The following KANSL2 variants were observed in gnomAD, a reference collection of about 807,000 sequenced individuals.
The protein encoded by KANSL2 is KAT8 regulatory NSL complex subunit 2.
KANSL2 carries 34 observed loss-of-function variants against 55.6 expected under a neutral mutation model. The ratio of observed to expected loss-of-function variants is 0.61; its 90% CI spans 0.46 to 0.81. The LOEUF is 0.81. KANSL2 is among the 40% of genes least tolerant of loss of function. KANSL2 has a pLI of 0.00. For missense variants in KANSL2, 502 were observed against 609.9 expected, an observed-to-expected ratio of 0.82 and a Z score of 1.86; for synonymous variants, 209 against 214.3, an observed-to-expected ratio of 0.98 and a Z score of 0.22.
intron 4 of KANSL2, among the ~76,000 whole-genome samples, chr12:48,672,888 A>G (rs1232430162): frequency 6.6e-6 from 1 of 151,868 alleles, no homozygotes; most frequent in Non-Finnish European, 1.5e-5. Context: ...CCTCCCAAGT[A>G]GCTGGCATTA....
intron 3 of KANSL2, 27 bp downstream of exon 3, chr12:48,679,628 T>C (rs1473752235): frequency 1.9e-6 from 3 of 1,600,780 alleles, no homozygotes; most frequent in Non-Finnish European, 2.6e-6. Context: ...CTTCCTCCTT[T>C]TTCATTCCAG....
At chr12:48,678,564 C>T (rs934260203) in intron 4 of KANSL2, among the ~76,000 whole-genome samples, 2 of 152,178 alleles carry the variant, frequency 1.3e-5, no homozygotes, top group African/African-American at 2.4e-5. Flanking sequence ...AAACATCACA[C>T]TGTACCCCAT....
At chr12:48,668,749 A>G (rs1048256511) in intron 6 of KANSL2, among the ~76,000 whole-genome samples, 4 of 152,202 alleles carry the variant, frequency 2.6e-5, no homozygotes, top group Non-Finnish European at 5.9e-5. Context: ...CTTTGTAAAT[A>G]AAGTGAACAT....
rs1939887506 is a variant in KANSL2 at position 48,679,836 on chromosome 12, G to A, written c.252-3C>T. The A allele has an allele frequency of 6.3e-7, 1 of 1,589,202 alleles. No homozygotes were observed. Among genetic ancestry groups the A allele is most frequent in the East Asian group, 2.3e-5 (1 of 44,052 alleles). ...CATGTTCAGCACAGAAGGACACCCT[G>A]AAGAGACAAAACATTAATATTTTAT... On this transcript the variant is annotated splice_region_variant and splice_polypyrimidine_tract_variant and intron_variant, in intron 2 of 9. Transcript: ENST00000420613.
rs550291372 is a variant in KANSL2 at position 48,663,158 on chromosome 12, G to A, written c.974-2539C>T. ...TCTAAAAATGTTAAGGCTGTCTCAA[G>A]TTGGAAGAATATTTCATGTAAAAAT... On this transcript the variant is annotated intron_variant, in intron 7 of 9. Transcript: ENST00000420613. Among the ~76,000 whole-genome samples, 204 of 152,286 alleles carry A rather than the reference G, an allele frequency of 1.3e-3. 6 individuals carry two copies. Among genetic ancestry groups the A allele is most frequent in the Non-Finnish European group, 2.8e-4 (19 of 68,016 alleles).
At chr12:48,655,125 T>G in intron 8 of KANSL2, 65 bp from the exon 9 acceptor site, 1 of 1,502,538 alleles carries the variant, frequency 6.7e-7, no homozygotes, top group Non-Finnish European at 9.0e-7. Flanking sequence ...GGCATGTTTT[T>G]CAGCAAACTT....
At chr12:48,655,966 A>C (rs1939372071) in intron 8 of KANSL2, among the ~76,000 whole-genome samples, 1 of 152,200 alleles carries the variant, frequency 6.6e-6, no homozygotes, top group Non-Finnish European at 1.5e-5. Context: ...ATGTTTTACT[A>C]CAATTAAAAA....
chr12:48,671,158 G>T (rs768711776), intron 5 of KANSL2, among the ~76,000 whole-genome samples: 18 of 151,812 alleles, frequency 1.2e-4, no homozygotes, highest in Admixed American at 2.0e-4. Context: ...CCAGCTACTT[G>T]GGAGGCTGAG....
intron 3 of KANSL2, 71 bp downstream of exon 3, chr12:48,679,584 T>C: frequency 1.6e-6 from 2 of 1,260,092 alleles, no homozygotes; most frequent in Middle Eastern, 2.1e-4. Context: ...GATCAAGGCA[T>C]TGTGCTAACC....
intron 4 of KANSL2, among the ~76,000 whole-genome samples, chr12:48,676,177 C>T (rs1939817689): frequency 6.6e-6 from 1 of 152,142 alleles, no homozygotes; most frequent in Non-Finnish European, 1.5e-5. Flanking sequence ...GTGGCACGAT[C>T]ACAGAGCCTC....
intron 8 of KANSL2, chr12:48,656,793 A>G: frequency 2.0e-6 from 1 of 495,596 alleles, no homozygotes; most frequent in Non-Finnish European, 4.0e-6. Context: ...AGGCAATACA[A>G]ACTCAAACAA....
In KANSL2 at chr12:48,675,265, G is replaced by T. The variant is rs1360701062; in HGVS notation, c.546-3303C>A. Among the ~76,000 whole-genome samples, 4 of 152,092 alleles carry T rather than the reference G, an allele frequency of 2.6e-5. No individual in the cohort carries two copies. The East Asian group carries it at 7.7e-4, about 29-fold the overall frequency. On this transcript the variant is annotated intron_variant, in intron 4 of 9. Transcript: ENST00000420613. ...CAAAAAAAAGAAAGAAATTAGCCGG[G>T]CACAGCGGCGTGCGCCTGTAGTCCC...
chr12:48,671,097 T>A (rs1176569536), intron 5 of KANSL2, among the ~76,000 whole-genome samples: 1 of 151,780 alleles, frequency 6.6e-6, no homozygotes, highest in African/African-American at 2.4e-5. Flanking sequence ...AAACCCCCCC[T>A]CTACTAAAAA....
intron 8 of KANSL2, chr12:48,656,836 C>A (rs987444878): frequency 4.3e-6 from 2 of 461,686 alleles, no homozygotes; most frequent in African/African-American, 4.0e-5. Flanking sequence ...CACTGCTTTT[C>A]AAGAGTCTGG....
At chr12:48,676,594 G>A (rs938274360) in intron 4 of KANSL2, among the ~76,000 whole-genome samples, 4 of 152,060 alleles carry the variant, frequency 2.6e-5, no homozygotes, top group African/African-American at 9.7e-5. Context: ...GGAGGCGGAG[G>A]TTGCAGTGAG....
intron 7 of KANSL2, among the ~76,000 whole-genome samples, chr12:48,665,421 G>C (rs1285217362): frequency 6.6e-6 from 1 of 152,010 alleles, no homozygotes; most frequent in Non-Finnish European, 1.5e-5. Context: ...AAATTAGCTG[G>C]GCACGGTGGC....
intron 8 of KANSL2, chr12:48,656,671 G>A: frequency 2.0e-6 from 1 of 510,328 alleles, no homozygotes; most frequent in Admixed American, 2.0e-5. Flanking sequence ...AACTGAATTG[G>A]CAATTCGCAC....
Position 48,681,679 on chromosome 12 carries a change from T to C in KANSL2, c.-9-38A>G, listed in dbSNP as rs1202931364. Reference sequence around the variant, plus strand: ...ACGAAAGACCAAAAAGCCCTTACCCTTCCCGAAAATTCCTGCTCCACACAG... The same window carrying C: ...ACGAAAGACCAAAAAGCCCTTACCCCTCCCGAAAATTCCTGCTCCACACAG... On this transcript the variant is annotated intron_variant, in intron 1 of 9. Coordinates refer to ENST00000420613, the MANE Select transcript of KANSL2 (RefSeq NM_017822.4). 1.1e-5 allele frequency: 18 copies of C among 1,612,894 alleles called. No individual in the cohort carries two copies. In the East Asian group the frequency reaches 3.8e-4, roughly 34 times the overall value.
At position 48,681,510 on chromosome 12, in the gene KANSL2, C is replaced by T. The variant is rs761951308; in HGVS notation, c.123G>A (p.Glu41=). 3.7e-6 allele frequency: 6 copies of T among 1,613,854 alleles called. No individual in the cohort carries two copies. Among genetic ancestry groups the T allele is most frequent in the East Asian group, 2.2e-5 (1 of 44,898 alleles). The change falls in exon 2 of 10, where the codon GAG becomes GAA. Residue 41 remains glutamate, a synonymous_variant. Coordinates refer to ENST00000420613, the MANE Select transcript of KANSL2 (RefSeq NM_017822.4). The part of the protein sequence containing the change: ...THRPCSHPRL[E]GQEFCIKHIL... ...TATGCTTAATGCAAAACTCCTGCCC[C>T]TCCAGACGAGGGTGAGAGCATGGAC...
Sources: allele counts gnomAD v4.1 joint callset (sites outside exome capture counted in the v4.1 genomes callset), GRCh38; gene constraint gnomAD v4.1.1; transcripts MANE v1.5; gene names NCBI Gene and HGNC (gene_info 2026-07-23, HGNC 2026-07-21).